ERAL1: variants seen among roughly 807,000 people sequenced by gnomAD.
ERAL1 encodes Era like 12S mitochondrial rRNA chaperone 1.
Under a neutral mutation model 53.6 loss-of-function variants are expected in ERAL1, and 36 were observed. The ratio of observed to expected loss-of-function variants is 0.67; its 90% CI spans 0.51 to 0.89. The LOEUF (loss-of-function observed/expected upper bound fraction) is 0.89. ERAL1 is among the 40% of genes least tolerant of loss of function. The probability of loss-of-function intolerance (pLI) is 0.00; values close to 1 mark genes in which losing one functional copy is unlikely to be tolerated. For synonymous variants in ERAL1, 215 were observed against 211.8 expected (o/e 1.02, Z -0.13); for missense variants, 512 against 537.5 (o/e 0.95, Z 0.47).
Position 28,856,768 on chromosome 17 carries a change from G to C in ERAL1, c.489+186G>C, listed in dbSNP as rs567158103. The C allele has an allele frequency of 1.3e-5, 7 of 550,698 alleles. No individual in the cohort carries two copies. In the East Asian group the frequency reaches 2.0e-4, roughly 16 times the overall value. The allele number at this position is 550,698 out of a possible 1,614,324, so 34.1% of individuals were successfully genotyped here. On this transcript the variant is annotated intron_variant, in intron 3 of 9. Coordinates refer to ENST00000254928, the MANE Select transcript of ERAL1 (RefSeq NM_005702.4). ...ACTCTGTCTCCCAGGCTGGAGTGCAGTGACGCGATCTTGGCTCACTGCAAG... is the reference window on the plus strand; with the variant it reads ...ACTCTGTCTCCCAGGCTGGAGTGCACTGACGCGATCTTGGCTCACTGCAAG...
At chr17:28,859,414 A>G (rs1197418540) in intron 9 of ERAL1, 131 bp downstream of exon 9, 2 of 864,958 alleles carry the variant, frequency 2.3e-6, no homozygotes, top group Non-Finnish European at 1.8e-6. Context: ...TTTTTGAGAC[A>G]GTCTCGCTCT....
At chr17:28,860,309 G>T in intron 9 of ERAL1, 122 bp from the exon 10 acceptor site, 3 of 1,191,364 alleles carry the variant, frequency 2.5e-6, no homozygotes, top group Non-Finnish European at 3.5e-6. Flanking sequence ...GGGTCGCACT[G>T]TTACCCAGGC....
At chr17:28,856,439 G>T in intron 2 of ERAL1, 48 bp downstream of exon 2, 2 of 1,613,534 alleles carry the variant, frequency 1.2e-6, no homozygotes, top group Non-Finnish European at 1.7e-6. Context: ...TTTACTTCTT[G>T]CCATGCCTTC....
Position 28,858,155 on chromosome 17 carries a change from G to C in ERAL1, c.546G>C (p.Leu182=). 1 of 1,614,068 alleles carries C rather than the reference G, an allele frequency of 6.2e-7. No homozygotes were observed. The highest frequency in any genetic ancestry group is 8.5e-7 in the Non-Finnish European group (1 of 1,180,024). The change falls in exon 5 of 10, where the codon CTG becomes CTC. Residue 182 remains leucine (L), a synonymous_variant. Coordinates refer to ENST00000254928, the MANE Select transcript of ERAL1 (RefSeq NM_005702.4). The part of the protein sequence containing the change: ...ISPGKQKRHH[L]ELSLLEDPWK... ...TATGTCTGTCCCTCAGGCATCACCT[G>C]GAGCTCTCTTTGTTGGAAGATCCAT...
At position 28,858,456 on chromosome 17, in the gene ERAL1, C is replaced by A. The variant is rs773239054; in HGVS notation, c.681C>A (p.Ser227=). Residue 227 remains serine, a synonymous_variant, in exon 6 of 10, where the codon TCC becomes TCA. Coordinates refer to ENST00000254928, the MANE Select transcript of ERAL1 (RefSeq NM_005702.4). ...TGCTCAGGTGCTTGACCAAGTACTC[C>A]CAGATCCCTAGTGTCCTGGTCATGA... ...PQLLRCLTKY[S]QIPSVLVMNK... is the part of the protein sequence containing the mutation. 1 of 1,613,994 alleles carries A rather than the reference C, an allele frequency of 6.2e-7. No individual in the cohort carries two copies. The highest frequency in any genetic ancestry group is 1.3e-5 in the African/African-American group (1 of 74,894).
In ERAL1 at chr17:28,855,469, G is replaced by A. The variant is rs2039229563; in HGVS notation, c.283+152G>A. Reference sequence around the variant, plus strand: ...AAAATCTCTCAGGAGAGAAATAACAGTTTGAGTGGGAGAAGGAAACGATCT... The same window carrying A: ...AAAATCTCTCAGGAGAGAAATAACAATTTGAGTGGGAGAAGGAAACGATCT... On this transcript the variant is annotated intron_variant, in intron 1 of 9. Transcript: ENST00000254928. The A allele has an allele frequency of 3.3e-6, 3 of 901,232 alleles. No homozygotes were observed. The Admixed American group carries it at 1.0e-4, about 31-fold the overall frequency. 55.8% of individuals were successfully genotyped at this position (901,232 alleles called of 1,614,324 possible). A position where few individuals can be genotyped will look rare whatever the true frequency, so the allele number is the denominator to read the frequency against.
rs376842462 is a variant in ERAL1, at chr17:28,858,569, T to C, written c.712-7T>C. The C allele has an allele frequency of 3.8e-5, 61 of 1,614,156 alleles. No individual in the cohort carries two copies. In the East Asian group the frequency reaches 4.2e-4, roughly 11 times the overall value. On this transcript the variant is annotated splice_polypyrimidine_tract_variant and splice_region_variant and intron_variant, in intron 6 of 9. Coordinates refer to ENST00000254928, the MANE Select transcript of ERAL1 (RefSeq NM_005702.4). Reference sequence around the variant, plus strand: ...CCACACACCCTTTGCCCATCCCCCATGTCCAGGTAGATTGTTTGAAGCAGA... The same window carrying C: ...CCACACACCCTTTGCCCATCCCCCACGTCCAGGTAGATTGTTTGAAGCAGA...
Position 28,859,859 on chromosome 17 carries a change from C to T in ERAL1, c.1192-572C>T, listed in dbSNP as rs149587356. ...ATTTTTTTGTAGAGAAGGGGTTTCA[C>T]CATGTTGCCCAGGCTGGTCTCAAAT... On this transcript the variant is annotated intron_variant, in intron 9 of 9. Coordinates refer to ENST00000254928, the MANE Select transcript of ERAL1 (RefSeq NM_005702.4). 1.2e-3 allele frequency among the ~76,000 whole-genome samples: 180 copies of T among 152,240 alleles called. 3 individuals carry two copies. The East Asian group carries it at 0.028, about 24-fold the overall frequency.
In ERAL1 at chr17:28,858,603, C is replaced by G. The variant is rs1327427370; in HGVS notation, c.739C>G (p.Leu247Val). The change falls in exon 7 of 10, where the codon CTC becomes GTC. Residue 247 changes from leucine (L) to valine (V), a missense_variant. Coordinates refer to ENST00000254928, the MANE Select transcript of ERAL1 (RefSeq NM_005702.4). ...KVDCLKQKSV[L>V]LELTAALTEG... Reference sequence around the variant, plus strand: ...AGATTGTTTGAAGCAGAAGTCAGTTCTCCTGGAGCTCACGGCAGCCCTCAC... The same window carrying G: ...AGATTGTTTGAAGCAGAAGTCAGTTGTCCTGGAGCTCACGGCAGCCCTCAC... The G allele has an allele frequency of 6.2e-7, 1 of 1,614,180 alleles. No individual in the cohort carries two copies. Among genetic ancestry groups the G allele is most frequent in the South Asian group, 1.1e-5 (1 of 91,082 alleles).
intron 2 of ERAL1, 33 bp from the exon 3 acceptor site, chr17:28,856,472 G>C (rs747065231): frequency 1.9e-6 from 3 of 1,613,578 alleles, no homozygotes; most frequent in Non-Finnish European, 1.7e-6. Flanking sequence ...GGAGGGATCT[G>C]GGACCTCACT....
At chr17:28,856,648 C>A in intron 3 of ERAL1, 66 bp downstream of exon 3, 2 of 1,404,606 alleles carry the variant, frequency 1.4e-6, no homozygotes, top group Middle Eastern at 1.8e-4. Context: ...TCTCCCTTAC[C>A]ATCAGCCTTG....
intron 4 of ERAL1, 71 bp downstream of exon 4, chr17:28,858,056 G>A: frequency 6.2e-7 from 1 of 1,613,000 alleles, no homozygotes; most frequent in Non-Finnish European, 8.5e-7. Context: ...CCATTATAGG[G>A]GCTGGAAAAC....
At chr17:28,857,040 A>G (rs2039253974) in intron 3 of ERAL1, among the ~76,000 whole-genome samples, 1 of 150,810 alleles carries the variant, frequency 6.6e-6, no homozygotes, top group South Asian at 2.1e-4. Flanking sequence ...TCCTTTAGGC[A>G]TGGTACAGTT....
At chr17:28,859,321 T>C (rs752146240) in intron 9 of ERAL1, 38 bp downstream of exon 9, 21 of 1,602,288 alleles carry the variant, frequency 1.3e-5, no homozygotes, top group African/African-American at 1.3e-5. Context: ...ATCAAGACTA[T>C]GTTAGGCAGG....
chr17:28,859,272 GAATCTTATGTGGTA>G lies in ERAL1; in HGVS notation c.1182_1191+4del. 3 of 1,614,146 alleles carry G rather than the reference GAATCTTATGTGGTA, an allele frequency of 1.9e-6. No individual in the cohort carries two copies. The highest frequency in any genetic ancestry group is 2.5e-6 in the Non-Finnish European group (3 of 1,180,034). ...CCAACAGAAGCTTCTGGTGCCCAAA[GAATCTTATGTGGTA>G]AGTGAGACTAGGCTCAGAGGAGAGA... is the stretch of plus-strand genomic sequence containing the variant. On this transcript the variant is annotated splice_donor_variant and splice_donor_region_variant and coding_sequence_variant and intron_variant, in exon 9 of 10. Transcript: ENST00000254928. LOFTEE classifies it high-confidence loss of function.
In ERAL1 at chr17:28,857,995, G is replaced by A; in HGVS notation, c.536+10G>A. The A allele has an allele frequency of 6.2e-7, 1 of 1,614,122 alleles. No individual in the cohort carries two copies. The highest frequency in any genetic ancestry group is 8.5e-7 in the Non-Finnish European group (1 of 1,180,022). ...CTGGTAAACAGAAGAGGTAATGGTG[G>A]TGGAATTGGGGTGGATTGGCGGGGA... On this transcript the variant is annotated intron_variant, in intron 4 of 9. Coordinates refer to ENST00000254928, the MANE Select transcript of ERAL1 (RefSeq NM_005702.4).
Position 28,858,728 on chromosome 17 carries a change from A to G in ERAL1, c.864A>G (p.Thr288=). The change falls in exon 7 of 10, where the codon ACA becomes ACG. Residue 288 remains threonine (T), a synonymous_variant. Transcript: ENST00000254928. ...CPSPAVKDPN[T]QSVGNPQRIG... is the part of the protein sequence containing the mutation. ...GCCCAGCAGTTAAGGACCCAAACACACAATCTGTGGGAAATCCTCAGAGGA... is the reference window on the plus strand; with the variant it reads ...GCCCAGCAGTTAAGGACCCAAACACGCAATCTGTGGGAAATCCTCAGAGGA... 2 of 1,614,178 alleles carry G rather than the reference A, an allele frequency of 1.2e-6. No homozygotes were observed. The highest frequency in any genetic ancestry group is 1.7e-6 in the Non-Finnish European group (2 of 1,180,022).
At chr17:28,858,248 G>T (rs1447055778) in intron 5 of ERAL1, 41 bp downstream of exon 5, 1 of 1,612,060 alleles carries the variant, frequency 6.2e-7, no homozygotes, top group Non-Finnish European at 8.5e-7. Context: ...GTTTACAGGG[G>T]TCATGGCCTT....
rs554726690 is a variant in ERAL1 at position 28,859,770 on chromosome 17, C to T, written c.1191+487C>T. Among the ~76,000 whole-genome samples the T allele has an allele frequency of 3.9e-5, 6 of 151,914 alleles. No individual in the cohort carries two copies. The South Asian group carries it at 1.0e-3, about 26-fold the overall frequency. ...GGCCAGGCTGGCTTCGAACGCTTGA[C>T]CTCAAATTGTCCGCCCACCTCAGCC... On this transcript the variant is annotated intron_variant, in intron 9 of 9. Transcript: ENST00000254928.
Sources: allele counts gnomAD v4.1 joint callset (sites outside exome capture counted in the v4.1 genomes callset), GRCh38; gene constraint gnomAD v4.1.1; transcripts MANE v1.5; gene names NCBI Gene and HGNC (gene_info 2026-07-23, HGNC 2026-07-21).